Variants in PLGRKT observed in about 807,000 individuals in gnomAD.
PLGRKT encodes plasminogen receptor (KT).
A neutral mutation model predicts 18.5 loss-of-function variants in PLGRKT; 22 were observed. The observed-to-expected ratio is 1.19, with a 90% CI of 0.85 to 1.70. The LOEUF (loss-of-function observed/expected upper bound fraction) is 1.70. PLGRKT is among the 40% of genes most tolerant of loss of function. The pLI, the probability that PLGRKT is intolerant of heterozygous loss-of-function variation, is 0.00. For missense variants in PLGRKT, 235 were observed against 174.4 expected (o/e 1.35, Z -1.96); for synonymous variants, 72 against 52.8 (o/e 1.36, Z -1.58).
chr9:5,397,249 C>G (rs1364458513), intron 3 of PLGRKT, among the ~76,000 whole-genome samples: 3 of 151,874 alleles, frequency 2.0e-5, no homozygotes, highest in Non-Finnish European at 4.4e-5. Flanking sequence ...TCAAAGAAGT[C>G]AGTGTGCTTA....
intron 3 of PLGRKT, among the ~76,000 whole-genome samples, chr9:5,429,918 C>G (rs552733695): frequency 1.0e-3 from 156 of 152,264 alleles, no homozygotes; most frequent in East Asian, 2.1e-3. Flanking sequence ...GGTGGGTCAA[C>G]CAGGACACAA....
chr9:5,361,614 C>G lies in PLGRKT; in HGVS notation c.212+144G>C, dbSNP rs1385640704. 3 of 699,360 alleles carry G rather than the reference C, an allele frequency of 4.3e-6. 1 individual carries two copies. The highest frequency in any genetic ancestry group is 1.8e-5 in the African/African-American group (1 of 54,654). 43.3% of individuals were successfully genotyped at this position (699,360 alleles called of 1,614,324 possible). A position where few individuals can be genotyped will look rare whatever the true frequency, so the allele number is the denominator to read the frequency against. Reference sequence around the variant, plus strand: ...ACTGCCTTGCTTTCACAGAGTTACCCCCAAGGACTAAGGTTAATAGGTTAC... The same window carrying G: ...ACTGCCTTGCTTTCACAGAGTTACCGCCAAGGACTAAGGTTAATAGGTTAC... On this transcript the variant is annotated intron_variant, in intron 4 of 5. Transcript: ENST00000223864.
chr9:5,437,187 G>C (rs758860335), intron 1 of PLGRKT, among the ~76,000 whole-genome samples: 42 of 152,260 alleles, frequency 2.8e-4, no homozygotes, highest in East Asian at 7.7e-4. Flanking sequence ...AGTGGTGCCT[G>C]CAAGTTCCAG....
intron 3 of PLGRKT, among the ~76,000 whole-genome samples, chr9:5,428,402 T>G (rs914472168): frequency 3.9e-5 from 6 of 152,138 alleles, no homozygotes; most frequent in African/African-American, 1.4e-4. Flanking sequence ...CAAAGTCTAC[T>G]TGGTCTCAGG....
chr9:5,423,206 G>C (rs1272473683), intron 3 of PLGRKT, among the ~76,000 whole-genome samples: 1 of 152,122 alleles, frequency 6.6e-6, no homozygotes, highest in Non-Finnish European at 1.5e-5. Flanking sequence ...CCACTACCCT[G>C]TTCAAGAGCC....
At chr9:5,373,090 CTA>C (rs1285371685) in intron 3 of PLGRKT, among the ~76,000 whole-genome samples, 1 of 152,114 alleles carries the variant, frequency 6.6e-6, no homozygotes, top group Non-Finnish European at 1.5e-5. Flanking sequence ...CTTCACCTTT[CTA>C]TATAATTAGT....
intron 3 of PLGRKT, among the ~76,000 whole-genome samples, chr9:5,396,006 G>C (rs1454534232): frequency 6.7e-6 from 1 of 149,476 alleles, no homozygotes; most frequent in East Asian, 2.0e-4. Context: ...CGATTCTCCT[G>C]CCTTAGCCTC....
chr9:5,414,632 C>G (rs1415563284), intron 3 of PLGRKT, among the ~76,000 whole-genome samples: 4 of 152,222 alleles, frequency 2.6e-5, no homozygotes, highest in African/African-American at 7.2e-5. Context: ...CCGGGAGAAA[C>G]TAACCTTACT....
chr9:5,384,087 G>A (rs539720329), intron 3 of PLGRKT, among the ~76,000 whole-genome samples: 5 of 152,304 alleles, frequency 3.3e-5, no homozygotes, highest in Admixed American at 3.3e-4. Context: ...AGATGGATCT[G>A]AGACTCAGGC....
chr9:5,420,281 G>A (rs1395288322), intron 3 of PLGRKT, among the ~76,000 whole-genome samples: 1 of 152,220 alleles, frequency 6.6e-6, no homozygotes, highest in African/African-American at 2.4e-5. Flanking sequence ...AACAATTACA[G>A]GGTTTCCTTT....
intron 3 of PLGRKT, among the ~76,000 whole-genome samples, chr9:5,374,272 C>T (rs573799021): frequency 1.3e-5 from 2 of 152,238 alleles, no homozygotes; most frequent in African/African-American, 4.8e-5. Flanking sequence ...AATAGAACCA[C>T]TGAGGTGATC....
At chr9:5,411,378 C>A (rs1818361545) in intron 3 of PLGRKT, among the ~76,000 whole-genome samples, 1 of 141,180 alleles carries the variant, frequency 7.1e-6, no homozygotes, top group African/African-American at 2.8e-5. Context: ...GAGCAAGACC[C>A]TGTTTCAAAA....
At chr9:5,383,489 T>C (rs1460991669) in intron 3 of PLGRKT, among the ~76,000 whole-genome samples, 1 of 152,170 alleles carries the variant, frequency 6.6e-6, no homozygotes, top group Non-Finnish European at 1.5e-5. Flanking sequence ...TCAAGTGCAT[T>C]ATATTTATGG....
chr9:5,435,321 T>TAAA (rs61099125), intron 2 of PLGRKT, among the ~76,000 whole-genome samples: 74,556 of 127,036 alleles, frequency 0.59, 22,572 homozygotes, highest in Non-Finnish European at 0.69. Context: ...CAATAAATAC[T>TAAA]AAAAAAAAAA....
At chr9:5,432,072 A>C in intron 2 of PLGRKT, 89 bp from the exon 3 acceptor site, 1 of 639,112 alleles carries the variant, frequency 1.6e-6, no homozygotes, top group Admixed American at 2.8e-5. Flanking sequence ...GGCTTATGAC[A>C]AAGTAAAAAA....
Position 5,418,865 on chromosome 9 carries a change from G to C in PLGRKT, c.81+13032C>G. ...TTCTGGCTGGTCCTCGTCTGCTGGA[G>C]GCAAACTGAACAGCAGGTGTGCTTG... On this transcript the variant is annotated intron_variant, in intron 3 of 5. Coordinates refer to ENST00000223864, the MANE Select transcript of PLGRKT (RefSeq NM_018465.4). This position sits in a 1 kb window ranked among gnomAD's most constrained non-coding sequence, Gnocchi z 4.2. The C allele has an allele frequency of 9.6e-7, 1 of 1,041,728 alleles. No individual in the cohort carries two copies. Among genetic ancestry groups the C allele is most frequent in the Non-Finnish European group, 1.5e-6 (1 of 670,796 alleles). 64.5% of individuals were successfully genotyped at this position (1,041,728 alleles called of 1,614,324 possible). A position where few individuals can be genotyped will look rare whatever the true frequency, so the allele number is the denominator to read the frequency against.
intron 3 of PLGRKT, among the ~76,000 whole-genome samples, chr9:5,375,700 C>A (rs1446560458): frequency 6.6e-6 from 1 of 152,184 alleles, no homozygotes; most frequent in Non-Finnish European, 1.5e-5. Context: ...CAGAAAATAA[C>A]CACTGTTGGT....
At chr9:5,424,450 T>C (rs1439001560) in intron 3 of PLGRKT, among the ~76,000 whole-genome samples, 1 of 109,564 alleles carries the variant, frequency 9.1e-6, no homozygotes, top group Non-Finnish European at 1.9e-5. Context: ...ATATATTATA[T>C]ATTATAACAT....
At chr9:5,409,549 C>T (rs1818321479) in intron 3 of PLGRKT, among the ~76,000 whole-genome samples, 1 of 152,018 alleles carries the variant, frequency 6.6e-6, no homozygotes, top group Admixed American at 6.6e-5. Context: ...ATATATATAC[C>T]CAGAGTGGTA....
Sources: gnomAD v4.1 joint callset for allele counts (sites outside exome capture counted in the v4.1 genomes callset) on GRCh38, gnomAD v4.1.1 for gene constraint, Gnocchi (gnomAD v3.1) non-coding constraint, MANE v1.5 for transcripts, NCBI Gene and HGNC (gene_info 2026-07-23, HGNC 2026-07-21) for gene names.